Variants in FHIP1A observed in about 807,000 individuals in gnomAD.
FHIP1A encodes FHF complex subunit HOOK-interacting protein 1A.
In FHIP1A, 61 loss-of-function variants were observed where a neutral mutation model predicts 88.6. The observed-to-expected ratio is 0.69, with a 90% CI of 0.56 to 0.85. The LOEUF (loss-of-function observed/expected upper bound fraction) is 0.85, where lower values mean the gene tolerates loss of function less well. Among genes scored for constraint, FHIP1A ranks in the 40% least tolerant of loss-of-function variants. FHIP1A has a pLI of 0.00. For synonymous variants in FHIP1A, 478 were observed against 496.0 expected, an observed-to-expected ratio of 0.96 and a Z score of 0.48; for missense variants, 1,154 against 1,273.5, an observed-to-expected ratio of 0.91 and a Z score of 1.43.
At chr4:151,416,478 A>G (rs1019265395) in intron 1 of FHIP1A, among the ~76,000 whole-genome samples, 2 of 152,198 alleles carry the variant, frequency 1.3e-5, no homozygotes, top group Non-Finnish European at 2.9e-5. Flanking sequence ...ACACACATAC[A>G]TACCCCCTAT....
chr4:151,617,544 G>A lies in FHIP1A; in HGVS notation c.979-12158G>A, dbSNP rs960118681. Among the ~76,000 whole-genome samples, 5 of 152,166 alleles carry A rather than the reference G, an allele frequency of 3.3e-5. No individual in the cohort carries two copies. The East Asian group carries it at 5.8e-4, about 18-fold the overall frequency. On this transcript the variant is annotated intron_variant, in intron 7 of 13. Coordinates refer to ENST00000435205, the MANE Select transcript of FHIP1A (RefSeq NM_001109977.3). ...CTCTGAACAGTTCATTCTTGCTCCC[G>A]TGTTCCTGCTGGATTATCCTTTCCA...
rs78311988 is a variant in FHIP1A, at chr4:151,668,715, G to C, written c.*5961G>C. On this transcript the variant is annotated 3_prime_UTR_variant, in exon 14 of 14. Transcript: ENST00000435205. ...CATTAATTTGTTTCATACAGTAAGCGAGCTTTTACTGAATACTCCCTCTGT... is the reference window on the plus strand; with the variant it reads ...CATTAATTTGTTTCATACAGTAAGCCAGCTTTTACTGAATACTCCCTCTGT... Among the ~76,000 whole-genome samples, 22 of 152,288 alleles carry C rather than the reference G, an allele frequency of 1.4e-4. 1 individual carries two copies. Among genetic ancestry groups the C allele is most frequent in the Admixed American group, 9.8e-4 (15 of 15,304 alleles).
chr4:151,521,675 TTGTATGTATGTA>T (rs35842414), intron 3 of FHIP1A, among the ~76,000 whole-genome samples: 17,975 of 150,348 alleles, frequency 0.12, 1,177 homozygotes, highest in East Asian at 0.14. Flanking sequence ...GTATGTCAGT[TTGTATGTATGTA>T]TGTATGTATG....
intron 3 of FHIP1A, among the ~76,000 whole-genome samples, chr4:151,529,596 A>G (rs936897501): frequency 6.6e-6 from 1 of 152,076 alleles, no homozygotes; most frequent in Non-Finnish European, 1.5e-5. Context: ...TGGTGTGTGT[A>G]TGTTTTGGTA....
intron 3 of FHIP1A, among the ~76,000 whole-genome samples, chr4:151,501,264 G>T (rs554850716): frequency 1.4e-4 from 22 of 152,262 alleles, no homozygotes; most frequent in African/African-American, 5.1e-4. Flanking sequence ...CCTGTCTTCA[G>T]TTCTTTCAGA....
intron 1 of FHIP1A, among the ~76,000 whole-genome samples, chr4:151,445,496 A>G (rs1332940486): frequency 6.6e-6 from 1 of 151,936 alleles, no homozygotes; most frequent in Non-Finnish European, 1.5e-5. Context: ...TGAAAATTCC[A>G]ACCCTTTAAT....
At chr4:151,444,329 G>A (rs1330809091) in intron 1 of FHIP1A, among the ~76,000 whole-genome samples, 3 of 152,030 alleles carry the variant, frequency 2.0e-5, no homozygotes, top group Non-Finnish European at 4.4e-5. Context: ...TAACATTTGA[G>A]TCTTGGCTTT....
intron 1 of FHIP1A, among the ~76,000 whole-genome samples, chr4:151,441,451 T>C (rs1728410227): frequency 6.6e-6 from 1 of 152,036 alleles, no homozygotes; most frequent in African/African-American, 2.4e-5. Flanking sequence ...ATTGAATTGA[T>C]TGTGTGTGTG....
intron 1 of FHIP1A, among the ~76,000 whole-genome samples, chr4:151,423,209 A>AAT (rs1252351162): frequency 6.6e-6 from 1 of 152,184 alleles, no homozygotes; most frequent in Non-Finnish European, 1.5e-5. Flanking sequence ...CTTTAAGAGA[A>AAT]ATGCCAGCAT....
intron 9 of FHIP1A, among the ~76,000 whole-genome samples, chr4:151,645,860 C>T (rs1736774242): frequency 1.3e-5 from 2 of 151,982 alleles, no homozygotes; most frequent in South Asian, 4.2e-4. Context: ...CAAAATGATA[C>T]TAAGATGCTT....
At chr4:151,585,622 C>T (rs927730086) in intron 5 of FHIP1A, among the ~76,000 whole-genome samples, 2 of 152,174 alleles carry the variant, frequency 1.3e-5, no homozygotes, top group Non-Finnish European at 2.9e-5. Flanking sequence ...CATTGCATCC[C>T]TGGTTTGATA....
chr4:151,516,626 C>T (rs2126686582), intron 3 of FHIP1A, among the ~76,000 whole-genome samples: 1 of 152,260 alleles, frequency 6.6e-6, no homozygotes, highest in East Asian at 1.9e-4. Context: ...ACAACCCCAT[C>T]AAAAAGTGGG....
Position 151,496,716 on chromosome 4 carries a change from C to CTTTTT in FHIP1A, c.-123+14081_-123+14085dup, listed in dbSNP as rs58538673. 8.2e-3 allele frequency among the ~76,000 whole-genome samples: 838 copies of CTTTTT among 102,376 alleles called. 28 individuals are homozygous for CTTTTT. The highest frequency in any genetic ancestry group is 0.029 in the African/African-American group (726 of 24,988). 67.2% of individuals were successfully genotyped at this position (102,376 alleles called of 152,430 possible). On this transcript the variant is annotated intron_variant, in intron 3 of 13. Transcript: ENST00000435205. The stretch of plus-strand genomic sequence containing the variant: ...CACAGGAGCATACCACCACGTCCAG[C>CTTTTT]TTTTTTTTTTTTTTTTTGTATTTTT...
chr4:151,563,388 GCTCT>G (rs947238880), intron 3 of FHIP1A, among the ~76,000 whole-genome samples: 1 of 152,076 alleles, frequency 6.6e-6, no homozygotes, highest in African/African-American at 2.4e-5. Context: ...GGTTTGTAGA[GCTCT>G]CTCTCAGGCA....
intron 3 of FHIP1A, among the ~76,000 whole-genome samples, chr4:151,564,336 AC>A (rs1318775744): frequency 1.3e-5 from 2 of 152,160 alleles, no homozygotes; most frequent in African/African-American, 4.8e-5. Flanking sequence ...TGACATTTTC[AC>A]AGAAATGTAG....
intron 3 of FHIP1A, among the ~76,000 whole-genome samples, chr4:151,527,291 G>A (rs1450821919): frequency 6.6e-6 from 1 of 152,230 alleles, no homozygotes; most frequent in African/African-American, 2.4e-5. Flanking sequence ...GGAGGCCGAG[G>A]CTGGCAGATC....
intron 3 of FHIP1A, among the ~76,000 whole-genome samples, chr4:151,543,235 C>T (rs1368089390): frequency 1.3e-5 from 2 of 152,144 alleles, no homozygotes; most frequent in Non-Finnish European, 2.9e-5. Context: ...CCTAGGAAAT[C>T]CAGCTCTAGA....
At chr4:151,621,642 C>T (rs1477852699) in intron 7 of FHIP1A, among the ~76,000 whole-genome samples, 2 of 152,110 alleles carry the variant, frequency 1.3e-5, no homozygotes, top group African/African-American at 4.8e-5. Context: ...CAGTGGTTCT[C>T]AGATACTTCA....
chr4:151,413,021 G>A (rs768549748), intron 1 of FHIP1A, among the ~76,000 whole-genome samples: 2 of 152,054 alleles, frequency 1.3e-5, no homozygotes, highest in Non-Finnish European at 2.9e-5. Flanking sequence ...AGCTCATGTG[G>A]AGACAGGATG....
Sources: allele counts gnomAD v4.1 joint callset (sites outside exome capture counted in the v4.1 genomes callset), GRCh38; gene constraint gnomAD v4.1.1; transcripts MANE v1.5; gene names NCBI Gene and HGNC (gene_info 2026-07-23, HGNC 2026-07-21).